SIPA1L3: variants seen among roughly 807,000 people sequenced by gnomAD.
The protein encoded by SIPA1L3 is signal-induced proliferation-associated 1-like protein 3.
Under a neutral mutation model 150.1 loss-of-function variants are expected in SIPA1L3, and 59 were observed. The ratio of observed to expected loss-of-function variants is 0.39; its 90% CI spans 0.32 to 0.49. The LOEUF (loss-of-function observed/expected upper bound fraction) is 0.49. Ranked by LOEUF, SIPA1L3 falls within the 20% of genes least tolerant of loss-of-function variation. The pLI, the probability that SIPA1L3 is intolerant of heterozygous loss-of-function variation, is 0.86. For synonymous variants in SIPA1L3, 1,070 were observed against 1,077.6 expected (o/e 0.99, Z 0.14); for missense variants, 2,211 against 2,489.5 (o/e 0.89, Z 2.38).
At chr19:38,154,534 A>G (rs745796554) in intron 13 of SIPA1L3, among the ~76,000 whole-genome samples, 2 of 152,028 alleles carry the variant, frequency 1.3e-5, no homozygotes, top group Non-Finnish European at 2.9e-5. Flanking sequence ...CGCAACCTCC[A>G]ACTCCTGGGT....
At chr19:38,172,912 CCAGCCTGAGCAA>C (rs1972357742) in intron 15 of SIPA1L3, among the ~76,000 whole-genome samples, 1 of 151,968 alleles carries the variant, frequency 6.6e-6, no homozygotes, top group African/African-American at 2.4e-5. Flanking sequence ...GAGTTCAAGA[CCAGCCTGAGCAA>C]CATGGCAAAA....
chr19:38,186,061 C>T (rs1039147819), intron 16 of SIPA1L3: 5 of 152,352 alleles, frequency 3.3e-5, no homozygotes, highest in African/African-American at 1.2e-4. Flanking sequence ...CTGTCACCCC[C>T]ATGGGGCCCA....
intron 2 of SIPA1L3, among the ~76,000 whole-genome samples, chr19:38,078,438 GCA>G (rs66830496): frequency 0.06 from 8,351 of 138,408 alleles, 213 homozygotes; most frequent in African/African-American, 0.067. Context: ...GCGCATACAT[GCA>G]CACACACACA....
chr19:38,047,875 C>T lies in SIPA1L3; in HGVS notation c.-311+18719C>T, dbSNP rs1363459810. Among the ~76,000 whole-genome samples, 4 of 152,214 alleles carry T rather than the reference C, an allele frequency of 2.6e-5. No individual in the cohort carries two copies. The East Asian group carries it at 7.7e-4, about 29-fold the overall frequency. ...TTCTGGTCCTGTCTCTCATCCTCAG[C>T]TCCAGTCAGCTGGGGATTAACCCCC... On this transcript the variant is annotated intron_variant, in intron 2 of 21. Coordinates refer to ENST00000222345, the MANE Select transcript of SIPA1L3 (RefSeq NM_015073.3). This position sits in a 1 kb window ranked among gnomAD's most constrained non-coding sequence, Gnocchi z 4.7.
intron 1 of SIPA1L3, among the ~76,000 whole-genome samples, chr19:37,945,575 A>G (rs6508753): frequency 0.67 from 102,186 of 151,762 alleles, 35,910 homozygotes; most frequent in African/African-American, 0.87. Context: ...TGAGTACCGC[A>G]GTTTGTTTTA....
chr19:37,919,859 C>T (rs1026051070), intron 1 of SIPA1L3, among the ~76,000 whole-genome samples: 17 of 151,722 alleles, frequency 1.1e-4, no homozygotes, highest in Admixed American at 1.1e-3. Flanking sequence ...TATAGGCATG[C>T]GCCACCATGC....
intron 1 of SIPA1L3, among the ~76,000 whole-genome samples, chr19:37,936,608 A>C (rs902971601): frequency 5.3e-5 from 8 of 152,252 alleles, no homozygotes; most frequent in Admixed American, 5.2e-4. Context: ...GAATCTTCAC[A>C]GTGGCCCTAT....
intron 1 of SIPA1L3, among the ~76,000 whole-genome samples, chr19:37,981,486 TCTTGTCCGTGTTGAGCAGGTTA>T (rs996551518): frequency 3.6e-4 from 54 of 152,084 alleles, no homozygotes; most frequent in Admixed American, 7.9e-4. Context: ...CTCTGCCACT[TCTTGTCCGTGTTGAGCAGGTTA>T]CTTAACCTCT....
At chr19:38,111,321 C>T (rs1310796725) in intron 8 of SIPA1L3, among the ~76,000 whole-genome samples, 4 of 152,030 alleles carry the variant, frequency 2.6e-5, no homozygotes, top group South Asian at 4.1e-4. Flanking sequence ...TGTGAGCCAC[C>T]GCACACAGCT....
chr19:38,009,132 TC>T (rs1029951424), intron 1 of SIPA1L3, among the ~76,000 whole-genome samples: 2 of 151,868 alleles, frequency 1.3e-5, no homozygotes, highest in African/African-American at 4.8e-5. Context: ...CCTCCCGGGT[TC>T]AAGTGATTCT....
intron 4 of SIPA1L3, among the ~76,000 whole-genome samples, chr19:38,092,860 T>C (rs1970292421): frequency 6.7e-6 from 1 of 149,786 alleles, no homozygotes; most frequent in African/African-American, 2.5e-5. Flanking sequence ...AGATTTTTTT[T>C]TTTTTTTTTT....
Position 38,206,080 on chromosome 19 carries a change from C to T in SIPA1L3, c.5203-17C>T. ...GCCAAGCCCACCCGCCTGATGCCAG[C>T]TTCCCACCCTGTGCAGGAGAAGCAG... On this transcript the variant is annotated splice_polypyrimidine_tract_variant and intron_variant, in intron 21 of 21. Coordinates refer to ENST00000222345, the MANE Select transcript of SIPA1L3 (RefSeq NM_015073.3). The T allele has an allele frequency of 6.5e-7, 1 of 1,529,306 alleles. No homozygotes were observed. The highest frequency in any genetic ancestry group is 8.8e-7 in the Non-Finnish European group (1 of 1,133,140). The allele number at this position is 1,529,306 out of a possible 1,614,324, so 94.7% of individuals were successfully genotyped here.
intron 1 of SIPA1L3, among the ~76,000 whole-genome samples, chr19:37,911,512 CT>C (rs1215377760): frequency 1.6e-3 from 233 of 143,484 alleles, no homozygotes; most frequent in Admixed American, 1.5e-3. Context: ...TCTGAGATGT[CT>C]TTTTTTTTTT....
At chr19:37,979,909 C>T (rs887237754) in intron 1 of SIPA1L3, among the ~76,000 whole-genome samples, 1 of 152,206 alleles carries the variant, frequency 6.6e-6, no homozygotes, top group African/African-American at 2.4e-5. Flanking sequence ...GTTGGTGCCT[C>T]CGCGTGCACA....
intron 1 of SIPA1L3, among the ~76,000 whole-genome samples, chr19:37,965,033 G>A (rs1443873272): frequency 6.6e-6 from 1 of 152,142 alleles, no homozygotes; most frequent in Non-Finnish European, 1.5e-5. Flanking sequence ...TAGCATGAAA[G>A]TATTCTGATA....
chr19:38,122,037 A>G (rs113428378), intron 9 of SIPA1L3, among the ~76,000 whole-genome samples: 5,308 of 151,836 alleles, frequency 0.035, 143 homozygotes, highest in South Asian at 0.083. Flanking sequence ...CCTGGCCAAC[A>G]TGGTAAAACC....
chr19:38,193,854 T>G, intron 18 of SIPA1L3, 74 bp downstream of exon 18: 1 of 1,430,976 alleles, frequency 7.0e-7, no homozygotes, highest in African/African-American at 1.5e-5. Flanking sequence ...GAGCAGGGGC[T>G]CACCTGGAGG....
At chr19:38,105,622 C>G (rs1970605021) in intron 6 of SIPA1L3, among the ~76,000 whole-genome samples, 1 of 152,198 alleles carries the variant, frequency 6.6e-6, no homozygotes, top group African/African-American at 2.4e-5. Context: ...CCTACACATC[C>G]CTGACTGGTA....
intron 2 of SIPA1L3, among the ~76,000 whole-genome samples, chr19:38,033,811 C>G (rs992057195): frequency 6.6e-6 from 1 of 152,054 alleles, no homozygotes. Context: ...CACTGTTTTT[C>G]CTCTGGGTCA....
Sources: gnomAD v4.1 joint callset for allele counts (sites outside exome capture counted in the v4.1 genomes callset) on GRCh38, gnomAD v4.1.1 for gene constraint, Gnocchi (gnomAD v3.1) non-coding constraint, MANE v1.5 for transcripts, NCBI Gene and HGNC (gene_info 2026-07-23, HGNC 2026-07-21) for gene names.